Variants in DNMT3B observed in about 807,000 individuals in gnomAD.
DNMT3B encodes the protein DNA (cytosine-5)-methyltransferase 3B.
In DNMT3B, 37 loss-of-function variants were observed where a neutral mutation model predicts 120.2. The observed-to-expected ratio is 0.31, with a 90% CI of 0.24 to 0.40. The LOEUF (loss-of-function observed/expected upper bound fraction) is 0.40. Ranked by LOEUF, DNMT3B falls within the 10% of genes least tolerant of loss-of-function variation. DNMT3B has a pLI of 1.00. For missense variants in DNMT3B, 878 were observed against 1,137.3 expected, an observed-to-expected ratio of 0.77 and a Z score of 3.28; for synonymous variants, 412 against 442.8, an observed-to-expected ratio of 0.93 and a Z score of 0.87.
rs1980942117 is a variant in DNMT3B at position 32,798,607 on chromosome 20, G to A, written c.1638G>A (p.Leu546=). 4 of 1,614,168 alleles carry A rather than the reference G, an allele frequency of 2.5e-6. No homozygotes were observed. The highest frequency in any genetic ancestry group is 2.2e-5 in the East Asian group (1 of 44,882). ...LRRRKDWNVR[L]QAFFTSDTGL... The stretch of plus-strand genomic sequence containing the variant: ...GCCGGAAGGACTGGAACGTGCGCCT[G>A]CAGGCCTTCTTCACCAGTGACACGG... The change falls in exon 15 of 23, where the codon CTG becomes CTA. Residue 546 remains leucine (L), a synonymous_variant. Coordinates refer to ENST00000328111, the MANE Select transcript of DNMT3B (RefSeq NM_006892.4).
At chr20:32,794,342 CAAAAA>C (rs140316951) in intron 10 of DNMT3B, among the ~76,000 whole-genome samples, 32 of 79,548 alleles carry the variant, frequency 4.0e-4, no homozygotes, top group African/African-American at 1.3e-3. Flanking sequence ...GAACCTGTCT[CAAAAA>C]AAAAAAAAAA....
intron 15 of DNMT3B, among the ~76,000 whole-genome samples, 196 bp downstream of exon 15, chr20:32,798,839 T>A (rs1264581326): frequency 6.6e-6 from 1 of 152,242 alleles, no homozygotes; most frequent in Non-Finnish European, 1.5e-5. Context: ...CACTCCCTCC[T>A]TGCCGGCTTC....
intron 14 of DNMT3B, among the ~76,000 whole-genome samples, chr20:32,798,151 T>A (rs535571672): frequency 4.6e-5 from 7 of 151,570 alleles, no homozygotes; most frequent in Non-Finnish European, 1.5e-5. Context: ...AGGGGATGAG[T>A]AGGGTGTCAG....
chr20:32,806,771 T>C (rs1982028304), intron 22 of DNMT3B, among the ~76,000 whole-genome samples: 1 of 152,240 alleles, frequency 6.6e-6, no homozygotes, highest in South Asian at 2.1e-4. Flanking sequence ...TAACCATCTC[T>C]TGGATTTCAG....
chr20:32,783,912 AT>A (rs3080495), intron 3 of DNMT3B, among the ~76,000 whole-genome samples: 9,352 of 134,190 alleles, frequency 0.07, 896 homozygotes, highest in African/African-American at 0.23. Context: ...TTGTATTTGT[AT>A]TTTTTTTTTT....
intron 19 of DNMT3B, 105 bp from the exon 20 acceptor site, chr20:32,802,280 G>A (rs909193784): frequency 1.1e-5 from 14 of 1,223,428 alleles, no homozygotes; most frequent in Admixed American, 3.4e-5. Context: ...TGGAGGATCC[G>A]TGCCTCATCC....
intron 1 of DNMT3B, among the ~76,000 whole-genome samples, chr20:32,767,982 A>C (rs1327397010): frequency 6.6e-6 from 1 of 152,204 alleles, no homozygotes; most frequent in East Asian, 1.9e-4. Flanking sequence ...AGAAGTGCTG[A>C]TGCCTTTGTA....
At chr20:32,802,523 A>AC in intron 20 of DNMT3B, 53 bp downstream of exon 20, 1 of 1,539,362 alleles carries the variant, frequency 6.5e-7, no homozygotes, top group South Asian at 1.1e-5. Flanking sequence ...ATATGTGATA[A>AC]CAAGCTCTGA....
intron 17 of DNMT3B, 96 bp from the exon 18 acceptor site, chr20:32,800,738 AG>A: frequency 1.5e-6 from 2 of 1,361,188 alleles, no homozygotes; most frequent in Non-Finnish European, 2.1e-6. Context: ...TACAGGTGTG[AG>A]CCACCTCGTC....
rs778152458 is a variant in DNMT3B, at chr20:32,795,422, A to G, written c.1140A>G (p.Arg380=). The change falls in exon 11 of 23, where the codon CGA becomes CGG. Residue 380 remains arginine (R), a synonymous_variant. Transcript: ENST00000328111. ...LESRKYENKT[R]RRTADDSATS... is the part of the protein sequence containing the mutation. ...TACCTTTCACAGAGAACAAGACTCG[A>G]AGACGCACAGCTGACGACTCAGCCA... 1.9e-6 allele frequency: 3 copies of G among 1,614,090 alleles called. No individual in the cohort carries two copies. The highest frequency in any genetic ancestry group is 1.1e-5 in the South Asian group (1 of 91,074).
intron 10 of DNMT3B, among the ~76,000 whole-genome samples, chr20:32,794,406 G>T (rs1036739467): frequency 6.6e-6 from 1 of 151,554 alleles, no homozygotes; most frequent in Non-Finnish European, 1.5e-5. Context: ...ACGAGGCCAG[G>T]TGCAGTGGCT....
chr20:32,805,839 C>CT (rs772244553), intron 21 of DNMT3B, among the ~76,000 whole-genome samples: 1 of 151,870 alleles, frequency 6.6e-6, no homozygotes, highest in African/African-American at 2.4e-5. Context: ...GTGGTTTTTA[C>CT]TTTTTTACTT....
chr20:32,788,720 T>G (rs1334635123), intron 6 of DNMT3B, 134 bp from the exon 7 acceptor site: 27 of 1,157,260 alleles, frequency 2.3e-5, no homozygotes, highest in Middle Eastern at 2.1e-4. Context: ...ATTACAGGCA[T>G]GAACCACGGT....
chr20:32,792,888 C>G, intron 9 of DNMT3B, 118 bp downstream of exon 9: 1 of 1,462,020 alleles, frequency 6.8e-7, no homozygotes, highest in Non-Finnish European at 9.4e-7. Context: ...CTGGTCTCAA[C>G]TCTGAATGTT....
intron 1 of DNMT3B, among the ~76,000 whole-genome samples, chr20:32,765,578 G>A (rs552750251): frequency 2.0e-5 from 3 of 149,792 alleles, no homozygotes; most frequent in South Asian, 4.2e-4. Flanking sequence ...ACACCACCAC[G>A]CCTGGCTAAT....
intron 1 of DNMT3B, among the ~76,000 whole-genome samples, chr20:32,769,366 C>T (rs538900380): frequency 1.4e-3 from 211 of 152,202 alleles, no homozygotes; most frequent in African/African-American, 5.0e-3. Context: ...GGATTACAGG[C>T]GTGAGCCACC....
chr20:32,800,272 G>A lies in DNMT3B; in HGVS notation c.1879G>A (p.Asp627Asn), dbSNP rs1477651398. Reference sequence around the variant, plus strand: ...CGAGGGGAATATCAAATACGTGAACGACGTGAGGAACATCACAAAGAAAAA... The same window carrying A: ...CGAGGGGAATATCAAATACGTGAACAACGTGAGGAACATCACAAAGAAAAA... ...KHEGNIKYVNDVRNITKKNIE... is the reference protein window; with the variant it reads ...KHEGNIKYVNNVRNITKKNIE... Residue 627 changes from aspartate to asparagine, a missense_variant, in exon 17 of 23, where the codon GAC becomes AAC. By Grantham distance (23) the Asp-to-Asn change is conservative (BLOSUM62 1). Around this residue, in one of 4 missense-constraint regions of DNMT3B, gnomAD observed 334 missense variants for 518.8 expected, o/e 0.64. Coordinates refer to ENST00000328111, the MANE Select transcript of DNMT3B (RefSeq NM_006892.4). 4.3e-6 allele frequency: 7 copies of A among 1,614,176 alleles called. No homozygotes were observed. Among genetic ancestry groups the A allele is most frequent in the Non-Finnish European group, 5.1e-6 (6 of 1,180,052 alleles).
intron 15 of DNMT3B, 107 bp from the exon 16 acceptor site, chr20:32,799,137 T>TTTTGC: frequency 3.2e-6 from 4 of 1,252,592 alleles, no homozygotes; most frequent in Non-Finnish European, 4.6e-6. Flanking sequence ...TTGCAGTGGC[T>TTTTGC]ACGGCAAGGT....
At chr20:32,770,038 A>G (rs4911256) in intron 1 of DNMT3B, among the ~76,000 whole-genome samples, 95,661 of 152,052 alleles carry the variant, frequency 0.63, 32,914 homozygotes, top group East Asian at 0.99. Context: ...ATGCTCCAGC[A>G]GTCCTCCCAC....
Sources: gnomAD v4.1 joint callset for allele counts (sites outside exome capture counted in the v4.1 genomes callset) on GRCh38, gnomAD v4.1.1 for gene constraint, gnomAD v4.1.1 regional missense constraint, MANE v1.5 for transcripts, NCBI Gene and HGNC (gene_info 2026-07-23, HGNC 2026-07-21) for gene names.